The following LIMK2 variants were observed in gnomAD, a reference collection of about 807,000 sequenced individuals.
LIMK2 encodes LIM domain kinase 2.
LIMK2 carries 35 observed loss-of-function variants against 75.7 expected under a neutral mutation model. The ratio of observed to expected loss-of-function variants is 0.46; its 90% confidence interval spans 0.35 to 0.61. The LOEUF (loss-of-function observed/expected upper bound fraction) is 0.61. LIMK2 is among the 20% of genes least tolerant of loss of function. The pLI is 0.00. For missense variants in LIMK2, 623 were observed against 831.0 expected (o/e 0.75, Z 3.08); for synonymous variants, 301 against 319.2 (o/e 0.94, Z 0.61).
At position 31,265,949 on chromosome 22, in the gene LIMK2, C is replaced by T. The variant is rs1473835923; in HGVS notation, c.858C>T (p.Arg286=). The change falls in exon 8 of 16, where the codon CGC becomes CGT. Residue 286 remains arginine, a synonymous_variant. Transcript: ENST00000331728. ...TCCCGTCTTTCCTCATCTTCAGGCG[C>T]AGTAACAGTATCTCCAAGTCCCCTG... The part of the protein sequence containing the change: ...EGTLRRRSLR[R]SNSISKSPGP... 6.2e-7 allele frequency: 1 copy of T among 1,614,032 alleles called. No homozygotes were observed. Among genetic ancestry groups the T allele is most frequent in the Non-Finnish European group, 8.5e-7 (1 of 1,179,928 alleles).
chr22:31,259,473 C>T (rs1032375445), intron 4 of LIMK2, among the ~76,000 whole-genome samples: 2 of 152,156 alleles, frequency 1.3e-5, no homozygotes, highest in African/African-American at 4.8e-5. Context: ...CAGTGGGAGG[C>T]ACTCTTCAAG....
intron 2 of LIMK2, among the ~76,000 whole-genome samples, chr22:31,244,178 T>C (rs1012602187): frequency 6.6e-6 from 1 of 152,200 alleles, no homozygotes; most frequent in Non-Finnish European, 1.5e-5. Flanking sequence ...ACCGACTCAC[T>C]GAGCCCGTCG....
intron 15 of LIMK2, among the ~76,000 whole-genome samples, chr22:31,276,593 G>T (rs1173154587): frequency 4.1e-5 from 6 of 146,260 alleles, no homozygotes; most frequent in Non-Finnish European, 7.6e-5. Context: ...CGCCCTCGCC[G>T]CGGAGCCGGC....
chr22:31,273,666 G>A (rs2048981776), intron 14 of LIMK2, among the ~76,000 whole-genome samples, 159 bp downstream of exon 14: 2 of 152,262 alleles, frequency 1.3e-5, no homozygotes, highest in East Asian at 1.9e-4. Flanking sequence ...TCTTTGCCAC[G>A]TTCGTGTTTC....
chr22:31,243,845 A>T (rs2048643752), intron 2 of LIMK2, among the ~76,000 whole-genome samples: 2 of 152,202 alleles, frequency 1.3e-5, no homozygotes, highest in Non-Finnish European at 2.9e-5. Context: ...TCTCCCAGTG[A>T]TGGGTGGCTT....
At chr22:31,227,274 T>G (rs531120637) in intron 2 of LIMK2, among the ~76,000 whole-genome samples, 98 of 152,332 alleles carry the variant, frequency 6.4e-4, no homozygotes, top group South Asian at 1.4e-3. Flanking sequence ...ATCCTGAGAA[T>G]GAGATAGACT....
chr22:31,219,790 C>A (rs193228539), intron 1 of LIMK2, among the ~76,000 whole-genome samples: 2 of 152,040 alleles, frequency 1.3e-5, no homozygotes, highest in Non-Finnish European at 2.9e-5. Context: ...GCCAGGATGG[C>A]CTTGATCTCT....
Position 31,276,790 on chromosome 22 carries a change from G to GC in LIMK2, c.1772+1490dup, listed in dbSNP as rs540206607. The GC allele has an allele frequency of 1.6e-3, 2,482 of 1,596,252 alleles. 9 individuals are homozygous for GC. Among genetic ancestry groups the GC allele is most frequent in the East Asian group, 7.2e-3 (318 of 44,128 alleles). On this transcript the variant is annotated intron_variant, in intron 15 of 15. Transcript: ENST00000331728. ...CAAGGACCACGCATCTACTTTCAGA[G>GC]CCCCCCCCGGGGCCGCAGGAGAGGG...
In LIMK2 at chr22:31,228,013, T is replaced by TGTGC. The variant is rs985107006; in HGVS notation, c.116+2202_116+2205dup. Among the ~76,000 whole-genome samples the TGTGC allele has an allele frequency of 8.3e-5, 11 of 133,266 alleles. No individual in the cohort carries two copies. The South Asian group carries it at 1.4e-3, about 18-fold the overall frequency. The allele number at this position is 133,266 out of a possible 152,430, so 87.4% of individuals were successfully genotyped here. On this transcript the variant is annotated intron_variant, in intron 2 of 15. Transcript: ENST00000331728. ...TAGTCAGATGCTAGCTTGTTAGCTC[T>TGTGC]GTGCGTGCGTGTGTGTGTGTGTGTG...
At chr22:31,277,606 CTTTAA>C (rs913222136) in intron 15 of LIMK2, 50 of 912,386 alleles carry the variant, frequency 5.5e-5, no homozygotes, top group East Asian at 4.7e-4. Flanking sequence ...TTCTAAATAT[CTTTAA>C]TTTATTAAAA....
At position 31,212,494 on chromosome 22, in the gene LIMK2, A is replaced by G. The variant is rs566388650; in HGVS notation, c.16+70A>G. On this transcript the variant is annotated intron_variant, in intron 1 of 15. Coordinates refer to ENST00000331728, the MANE Select transcript of LIMK2 (RefSeq NM_005569.4). Reference sequence around the variant, plus strand: ...TCCGGTTCCATGGCGCCTGAGGGAAACCGGCTGTCTCTCGGGGGTTTCGGG... The same window carrying G: ...TCCGGTTCCATGGCGCCTGAGGGAAGCCGGCTGTCTCTCGGGGGTTTCGGG... 475 of 1,301,950 alleles carry G rather than the reference A, an allele frequency of 3.6e-4. 6 individuals are homozygous for G. In the South Asian group the frequency reaches 0.012, roughly 34 times the overall value. 80.6% of individuals were successfully genotyped at this position (1,301,950 alleles called of 1,614,324 possible).
intron 2 of LIMK2, among the ~76,000 whole-genome samples, chr22:31,251,755 AG>A (rs981232010): frequency 3.9e-5 from 6 of 152,216 alleles, no homozygotes; most frequent in African/African-American, 1.4e-4. Context: ...GGAGTAATAA[AG>A]GGATTTTTGA....
intron 2 of LIMK2, among the ~76,000 whole-genome samples, chr22:31,249,494 A>G (rs2048704251): frequency 6.6e-6 from 1 of 152,144 alleles, no homozygotes; most frequent in African/African-American, 2.4e-5. Flanking sequence ...CTCTACCTCT[A>G]ACCTGGCTTT....
At chr22:31,212,838 C>G (rs1388539290) in intron 1 of LIMK2, among the ~76,000 whole-genome samples, 1 of 152,068 alleles carries the variant, frequency 6.6e-6, no homozygotes, top group South Asian at 2.1e-4. Context: ...TTGAGGAGTA[C>G]AGGATCCTCT....
chr22:31,248,486 A>G, intron 2 of LIMK2: 1 of 1,525,562 alleles, frequency 6.6e-7, no homozygotes, highest in Non-Finnish European at 8.8e-7. Flanking sequence ...TCTGAGAACT[A>G]GGGAGGAGCC....
In LIMK2 at chr22:31,262,023, C is replaced by G; in HGVS notation, c.552-111C>G. On this transcript the variant is annotated intron_variant, in intron 5 of 15. Coordinates refer to ENST00000331728, the MANE Select transcript of LIMK2 (RefSeq NM_005569.4). This position sits in a 1 kb window ranked among gnomAD's most constrained non-coding sequence, Gnocchi z 5.0. ...CTTTCTGTGTGGGTATCCTGGGCCC[C>G]TTAGGGGCCACTGGTGGCCTGGGAC... The G allele has an allele frequency of 1.2e-6, 1 of 832,092 alleles. No homozygotes were observed. The highest frequency in any genetic ancestry group is 2.1e-6 in the Non-Finnish European group (1 of 484,012). 51.5% of individuals were successfully genotyped at this position (832,092 alleles called of 1,614,324 possible). A position where few individuals can be genotyped will look rare whatever the true frequency, so the allele number is the denominator to read the frequency against.
chr22:31,276,832 G>T lies in LIMK2; in HGVS notation c.1773-1465G>T, dbSNP rs1402258798. Reference sequence around the variant, plus strand: ...AGGAGAGGGCCCGGGCTGCGCGGATGATGAGGGCCCAGTGAGGCGCCAAGG... The same window carrying T: ...AGGAGAGGGCCCGGGCTGCGCGGATTATGAGGGCCCAGTGAGGCGCCAAGG... On this transcript the variant is annotated intron_variant, in intron 15 of 15. Transcript: ENST00000331728. The T allele has an allele frequency of 4.3e-6, 7 of 1,611,830 alleles. No homozygotes were observed. In the African/African-American group the frequency reaches 9.4e-5, roughly 22 times the overall value.
intron 2 of LIMK2, among the ~76,000 whole-genome samples, chr22:31,228,021 CGTGTGTGTGTGTGTGT>C (rs66641491): frequency 6.8e-6 from 1 of 147,534 alleles, no homozygotes; most frequent in Non-Finnish European, 1.5e-5. Flanking sequence ...TCTGTGCGTG[CGTGTGTGTGTGTGTGT>C]GTGTGTGTGT....
rs747426404 is a variant in LIMK2 at position 31,268,246 on chromosome 22, G to A, written c.1317+46G>A. On this transcript the variant is annotated intron_variant, in intron 11 of 15. Coordinates refer to ENST00000331728, the MANE Select transcript of LIMK2 (RefSeq NM_005569.4). Reference sequence around the variant, plus strand: ...TGCCAGCAGGGCGAGAGTAGGGAGAGGTGTGAGAATTGTGGGCTTCACTGG... The same window carrying A: ...TGCCAGCAGGGCGAGAGTAGGGAGAAGTGTGAGAATTGTGGGCTTCACTGG... 4 of 1,521,388 alleles carry A rather than the reference G, an allele frequency of 2.6e-6. No individual in the cohort carries two copies. The African/African-American group carries it at 4.1e-5, about 16-fold the overall frequency. 94.2% of individuals were successfully genotyped at this position (1,521,388 alleles called of 1,614,324 possible).
Sources: allele counts gnomAD v4.1 joint callset (sites outside exome capture counted in the v4.1 genomes callset), GRCh38; gene constraint gnomAD v4.1.1; non-coding constraint Gnocchi (gnomAD v3.1); transcripts MANE v1.5; gene names NCBI Gene and HGNC (gene_info 2026-07-23, HGNC 2026-07-21).